Variants in PTK2 observed in about 807,000 individuals in gnomAD.
PTK2 encodes focal adhesion kinase 1.
A neutral mutation model predicts 150.1 loss-of-function variants in PTK2; 45 were observed. The ratio of observed to expected loss-of-function variants is 0.30; its 90% CI spans 0.24 to 0.38. The LOEUF is 0.38. Ranked by LOEUF, PTK2 falls within the 10% of genes least tolerant of loss-of-function variation. The pLI is 1.00. For missense variants in PTK2, 919 were observed against 1,307.3 expected (o/e 0.70, Z 4.58); for synonymous variants, 432 against 449.2 (o/e 0.96, Z 0.48).
Position 140,669,678 on chromosome 8 carries a change from G to C in PTK2, c.2710-1254C>G, listed in dbSNP as rs558405506. ...GTCCAAAGTTACATGCAGAGAGCCG[G>C]GTGTGATAGAGAGAGCTGGACAGAC... On this transcript the variant is annotated intron_variant, in intron 29 of 31. Transcript: ENST00000522684. 14 of 1,521,580 alleles carry C rather than the reference G, an allele frequency of 9.2e-6. No individual in the cohort carries two copies. In the African/African-American group the frequency reaches 1.6e-4, roughly 18 times the overall value. The allele number at this position is 1,521,580 out of a possible 1,614,324, so 94.3% of individuals were successfully genotyped here.
intron 1 of PTK2, among the ~76,000 whole-genome samples, chr8:140,975,093 G>T (rs898225869): frequency 6.6e-6 from 1 of 152,082 alleles, no homozygotes; most frequent in Non-Finnish European, 1.5e-5. Flanking sequence ...ATAATTAAAA[G>T]AACATACAGT....
intron 2 of PTK2, among the ~76,000 whole-genome samples, chr8:140,918,867 G>T (rs1426348974): frequency 6.6e-6 from 1 of 152,174 alleles, no homozygotes; most frequent in Non-Finnish European, 1.5e-5. Flanking sequence ...TCTACAAGTT[G>T]TAACTTTTAT....
chr8:140,787,437 A>T (rs1374071893), intron 14 of PTK2, among the ~76,000 whole-genome samples: 4 of 152,238 alleles, frequency 2.6e-5, no homozygotes, highest in Non-Finnish European at 5.9e-5. Flanking sequence ...CAGTACTCAT[A>T]AAATGCCAGC....
chr8:140,788,738 A>G (rs1011441186), intron 14 of PTK2, among the ~76,000 whole-genome samples: 10 of 152,192 alleles, frequency 6.6e-5, no homozygotes, highest in African/African-American at 1.7e-4. Context: ...GTGAGATGCT[A>G]AAGTTAAAAG....
chr8:140,796,870 A>G (rs959588763), intron 12 of PTK2, among the ~76,000 whole-genome samples: 6 of 152,176 alleles, frequency 3.9e-5, no homozygotes, highest in Non-Finnish European at 2.9e-5. Flanking sequence ...AAGTTTGGAG[A>G]TACACACACA....
chr8:140,804,781 G>A (rs887509672), intron 10 of PTK2, among the ~76,000 whole-genome samples: 6 of 152,150 alleles, frequency 3.9e-5, no homozygotes, highest in Non-Finnish European at 8.8e-5. Flanking sequence ...ATCTTCCTGC[G>A]CCGTTTGTAG....
At chr8:140,953,375 G>A (rs752888854) in intron 1 of PTK2, among the ~76,000 whole-genome samples, 9 of 152,092 alleles carry the variant, frequency 5.9e-5, no homozygotes, top group Non-Finnish European at 1.2e-4. Flanking sequence ...CTACCCCTCC[G>A]TTTGGGGGCC....
rs115296363 is a variant in PTK2 at position 140,679,604 on chromosome 8, T to C, written c.2563-4105A>G. 6.2e-3 allele frequency among the ~76,000 whole-genome samples: 946 copies of C among 152,248 alleles called. 10 individuals are homozygous for C. The highest frequency in any genetic ancestry group is 0.021 in the African/African-American group (893 of 41,548). On this transcript the variant is annotated intron_variant, in intron 27 of 31. Transcript: ENST00000522684. ...AAAAGCTGCAGAGCTGTTAGGGGCTTTGGTTTTTCAATTTGTAAACTGAGG... is the reference window on the plus strand; with the variant it reads ...AAAAGCTGCAGAGCTGTTAGGGGCTCTGGTTTTTCAATTTGTAAACTGAGG...
intron 2 of PTK2, among the ~76,000 whole-genome samples, chr8:140,921,621 T>G (rs775867831): frequency 3.3e-5 from 5 of 152,182 alleles, no homozygotes; most frequent in Non-Finnish European, 5.9e-5. Context: ...ACTGTCATAG[T>G]AAGTGTATAA....
intron 27 of PTK2, among the ~76,000 whole-genome samples, chr8:140,676,765 T>TAAAAAGAAAAAAAAA (rs2100014050): frequency 1.8e-5 from 1 of 55,580 alleles, no homozygotes; most frequent in African/African-American, 8.5e-5. Flanking sequence ...GTCTCTACTT[T>TAAAAAGAAAAAAAAA]AAAAAAAAAA....
Position 140,803,654 on chromosome 8 carries a change from TA to T in PTK2, c.868-5del, listed in dbSNP as rs752046759. ...TGAAGTCAGCAAGATGTGTGGGCTA[TA>T]AAAAGGAAAGGTAAAATCTTTAGAC... On this transcript the variant is annotated splice_polypyrimidine_tract_variant and splice_region_variant and intron_variant, in intron 10 of 31. Transcript: ENST00000522684. 1 of 1,609,128 alleles carries T rather than the reference TA, an allele frequency of 6.2e-7. No homozygotes were observed. Among genetic ancestry groups the T allele is most frequent in the Non-Finnish European group, 8.5e-7 (1 of 1,175,624 alleles).
chr8:140,810,943 T>C (rs921797962), intron 10 of PTK2, among the ~76,000 whole-genome samples: 1 of 152,136 alleles, frequency 6.6e-6, no homozygotes, highest in Admixed American at 6.5e-5. Flanking sequence ...TGCTGCACAG[T>C]TGCCAACAGG....
intron 16 of PTK2, among the ~76,000 whole-genome samples, chr8:140,753,859 T>C (rs2100064153): frequency 6.6e-6 from 1 of 152,238 alleles, no homozygotes; most frequent in Admixed American, 6.5e-5. Flanking sequence ...ATGCATACTA[T>C]ATGCTCAGTA....
chr8:140,902,604 C>T (rs1247195390), intron 2 of PTK2, among the ~76,000 whole-genome samples: 1 of 152,206 alleles, frequency 6.6e-6, no homozygotes, highest in East Asian at 1.9e-4. Flanking sequence ...TATTTCTCCA[C>T]ATCCTCTCCA....
chr8:140,667,349 ACT>A (rs1458449407), intron 30 of PTK2, among the ~76,000 whole-genome samples: 1 of 152,144 alleles, frequency 6.6e-6, no homozygotes, highest in African/African-American at 2.4e-5. Context: ...TTTCGACCAC[ACT>A]CTGTGAACTG....
intron 14 of PTK2, among the ~76,000 whole-genome samples, chr8:140,783,396 T>C (rs1416847234): frequency 6.6e-6 from 1 of 152,148 alleles, no homozygotes; most frequent in Non-Finnish European, 1.5e-5. Flanking sequence ...ATGTGTAAAG[T>C]GAAAATATTA....
intron 14 of PTK2, among the ~76,000 whole-genome samples, chr8:140,777,897 CT>C (rs1302395466): frequency 4.6e-5 from 7 of 152,216 alleles, no homozygotes; most frequent in Non-Finnish European, 7.3e-5. Flanking sequence ...TATTAACTCA[CT>C]TTTCCTTATA....
rs1181421194 is a variant in PTK2 at position 140,693,564 on chromosome 8, T to TTAAAAAAAAAAAAAA, written c.2500-6871_2500-6870insTTTTTTTTTTTTTTA. 8.4e-4 allele frequency among the ~76,000 whole-genome samples: 61 copies of TTAAAAAAAAAAAAAA among 72,458 alleles called. 25 individuals are homozygous for TTAAAAAAAAAAAAAA. Among genetic ancestry groups the TTAAAAAAAAAAAAAA allele is most frequent in the African/African-American group, 3.5e-3 (59 of 16,654 alleles). The allele number at this position is 72,458 out of a possible 152,430, so 47.5% of individuals were successfully genotyped here. ...CCACAGAGTGAGACTTTGTCTCAATTAAAAAAAAAAAAAAAAAAAAAAAAA... is the reference window on the plus strand; with the variant it reads ...CCACAGAGTGAGACTTTGTCTCAATTTAAAAAAAAAAAAAAAAAAAAAAAAAAAAAAAAAAAAAAA... On this transcript the variant is annotated intron_variant, in intron 26 of 31. Transcript: ENST00000522684.
chr8:140,723,294 G>T (rs1451073574), intron 22 of PTK2, among the ~76,000 whole-genome samples: 1 of 152,188 alleles, frequency 6.6e-6, no homozygotes, highest in Non-Finnish European at 1.5e-5. Flanking sequence ...CATCCGAGTT[G>T]TTCCTCAAAG....
Sources: allele counts gnomAD v4.1 joint callset (sites outside exome capture counted in the v4.1 genomes callset), GRCh38; gene constraint gnomAD v4.1.1; transcripts MANE v1.5; gene names NCBI Gene and HGNC (gene_info 2026-07-23, HGNC 2026-07-21).